FHOD3: variants seen among roughly 807,000 people sequenced by gnomAD.
The protein encoded by FHOD3 is formin homology 2 domain containing 3.
A neutral mutation model predicts 173.0 loss-of-function variants in FHOD3; 90 were observed. That is an observed-to-expected ratio of 0.52 (90% confidence interval 0.44 to 0.62). The LOEUF (loss-of-function observed/expected upper bound fraction) is 0.62, where lower values mean the gene tolerates loss of function less well. Ranked by LOEUF, FHOD3 falls within the 20% of genes least tolerant of loss-of-function variation. FHOD3 has a pLI of 0.00. For synonymous variants in FHOD3, 828 were observed against 823.0 expected (o/e 1.01, Z -0.10); for missense variants, 1,945 against 2,034.7 (o/e 0.96, Z 0.85).
intron 19 of FHOD3, among the ~76,000 whole-genome samples, chr18:36,727,866 G>A (rs530664781): frequency 1.3e-5 from 2 of 152,214 alleles, no homozygotes; most frequent in Non-Finnish European, 2.9e-5. Context: ...GCTTCATTTT[G>A]TCATCTGCAT....
intron 5 of FHOD3, among the ~76,000 whole-genome samples, chr18:36,571,788 C>T (rs1168569035): frequency 2.0e-5 from 3 of 151,782 alleles, no homozygotes; most frequent in Non-Finnish European, 4.4e-5. Flanking sequence ...TTAGTTGGAC[C>T]TATGAAAAAA....
chr18:36,768,178 T>G (rs1349787114), intron 27 of FHOD3, among the ~76,000 whole-genome samples: 1 of 151,890 alleles, frequency 6.6e-6, no homozygotes, highest in African/African-American at 2.4e-5. Context: ...TTAACAATTT[T>G]GAGCATATTG....
chr18:36,621,127 A>C (rs949308348), intron 9 of FHOD3, among the ~76,000 whole-genome samples: 1 of 152,198 alleles, frequency 6.6e-6, no homozygotes, highest in Non-Finnish European at 1.5e-5. Context: ...TTTTTTTCAC[A>C]TACATAAATT....
intron 5 of FHOD3, among the ~76,000 whole-genome samples, chr18:36,536,076 G>A (rs1180995750): frequency 6.6e-6 from 1 of 152,176 alleles, no homozygotes; most frequent in Non-Finnish European, 1.5e-5. Flanking sequence ...CAAAGTTAGT[G>A]TTTTCTGTCA....
chr18:36,439,861 G>A (rs192673964), intron 3 of FHOD3, among the ~76,000 whole-genome samples: 1 of 152,134 alleles, frequency 6.6e-6, no homozygotes, highest in Non-Finnish European at 1.5e-5. Context: ...TGCCCTCTTC[G>A]ATTCTTTTGT....
intron 17 of FHOD3, among the ~76,000 whole-genome samples, chr18:36,695,645 C>T (rs528049007): frequency 1.3e-5 from 2 of 152,254 alleles, no homozygotes; most frequent in Admixed American, 6.5e-5. Context: ...TCTTCCTTGT[C>T]CTGATATGTA....
chr18:36,538,448 C>G (rs771305743), intron 5 of FHOD3, among the ~76,000 whole-genome samples: 1 of 152,156 alleles, frequency 6.6e-6, no homozygotes, highest in Non-Finnish European at 1.5e-5. Flanking sequence ...AAGAAAGACA[C>G]AAATCATTAA....
chr18:36,661,103 T>G (rs1011129766), intron 14 of FHOD3, among the ~76,000 whole-genome samples: 7 of 151,840 alleles, frequency 4.6e-5, no homozygotes, highest in Non-Finnish European at 1.0e-4. Context: ...ACCACTTTAC[T>G]TATGTTTTGT....
At chr18:36,709,556 T>C (rs1226912874) in intron 18 of FHOD3, 165 bp downstream of exon 18, 6 of 715,842 alleles carry the variant, frequency 8.4e-6, no homozygotes, top group Admixed American at 3.0e-5. Flanking sequence ...GTGGCCACGC[T>C]GGCAGCCAGC....
Position 36,549,532 on chromosome 18 carries a change from CTT to C in FHOD3, c.512-26897_512-26896del, listed in dbSNP as rs386387404. Among the ~76,000 whole-genome samples, 16 of 71,232 alleles carry C rather than the reference CTT, an allele frequency of 2.2e-4. No individual in the cohort carries two copies. The East Asian group carries it at 3.7e-3, about 16-fold the overall frequency. The allele number at this position is 71,232 out of a possible 152,430, so 46.7% of individuals were successfully genotyped here. Reference sequence around the variant, plus strand: ...ACATTTAGTGTCAGATCTAAGAAATCTTTTTTTTTTTTTTTTTTTTTTTGAGA... The same window carrying C: ...ACATTTAGTGTCAGATCTAAGAAATCTTTTTTTTTTTTTTTTTTTTTGAGA... On this transcript the variant is annotated intron_variant, in intron 5 of 28. Coordinates refer to ENST00000590592, the MANE Select transcript of FHOD3 (RefSeq NM_001281740.3).
intron 3 of FHOD3, among the ~76,000 whole-genome samples, chr18:36,384,508 T>G (rs1413588612): frequency 6.6e-6 from 1 of 150,378 alleles, no homozygotes; most frequent in Non-Finnish European, 1.5e-5. Flanking sequence ...AGGCAGAGGT[T>G]GCAGTGAGTT....
At chr18:36,495,037 G>T (rs931148089) in intron 3 of FHOD3, among the ~76,000 whole-genome samples, 1 of 152,034 alleles carries the variant, frequency 6.6e-6, no homozygotes, top group South Asian at 2.1e-4. Flanking sequence ...TGACCTCCTG[G>T]GTTCAAGCAG....
intron 3 of FHOD3, among the ~76,000 whole-genome samples, chr18:36,468,015 T>C (rs1414939402): frequency 6.6e-6 from 1 of 152,192 alleles, no homozygotes; most frequent in Non-Finnish European, 1.5e-5. Flanking sequence ...CACAGCAGGA[T>C]AGTTGGGTGG....
intron 5 of FHOD3, among the ~76,000 whole-genome samples, chr18:36,549,913 TAGA>T (rs2057574496): frequency 6.6e-6 from 1 of 151,810 alleles, no homozygotes; most frequent in African/African-American, 2.4e-5. Context: ...TTTTTTTTTC[TAGA>T]AGGTTTTAGT....
intron 6 of FHOD3, among the ~76,000 whole-genome samples, chr18:36,579,954 A>C (rs911354589): frequency 6.6e-5 from 10 of 152,142 alleles, no homozygotes; most frequent in African/African-American, 2.2e-4. Flanking sequence ...AAAAAAAAAA[A>C]CAGAAATAAC....
At chr18:36,401,490 A>G (rs376381233) in intron 3 of FHOD3, among the ~76,000 whole-genome samples, 24 of 152,288 alleles carry the variant, frequency 1.6e-4, no homozygotes, top group African/African-American at 5.5e-4. Flanking sequence ...GCCTTTGTCA[A>G]CTTCCAAGAG....
chr18:36,298,089 C>CCTGGG (rs1403201166), intron 1 of FHOD3, 89 bp downstream of exon 1: 3 of 1,248,104 alleles, frequency 2.4e-6, no homozygotes, highest in African/African-American at 1.6e-5. Context: ...TCGTGGGCCC[C>CCTGGG]CTGGGCTGGG....
chr18:36,528,553 G>A (rs1292467893), intron 5 of FHOD3, among the ~76,000 whole-genome samples: 1 of 152,284 alleles, frequency 6.6e-6, no homozygotes, highest in Admixed American at 6.5e-5. Context: ...GTGACAACCT[G>A]GATACATCTG....
intron 6 of FHOD3, among the ~76,000 whole-genome samples, chr18:36,584,228 A>G (rs890798760): frequency 3.3e-5 from 5 of 152,176 alleles, no homozygotes; most frequent in Non-Finnish European, 5.9e-5. Context: ...CTGGGTGGAT[A>G]GAACACTCTC....
Sources: allele counts gnomAD v4.1 joint callset (sites outside exome capture counted in the v4.1 genomes callset), GRCh38; gene constraint gnomAD v4.1.1; transcripts MANE v1.5; gene names NCBI Gene and HGNC (gene_info 2026-07-23, HGNC 2026-07-21).